COL4A4: variants seen among roughly 807,000 people sequenced by gnomAD.
COL4A4 encodes the protein collagen type IV alpha 4 chain.
Under a neutral mutation model 192.9 loss-of-function variants are expected in COL4A4, and 105 were observed. That is an observed-to-expected ratio of 0.54 (90% CI 0.46 to 0.64). The LOEUF (loss-of-function observed/expected upper bound fraction) is 0.64, where lower values mean the gene tolerates loss of function less well. COL4A4 is among the 30% of genes least tolerant of loss of function. The probability of loss-of-function intolerance (pLI) is 0.00; values close to 1 mark genes in which losing one functional copy is unlikely to be tolerated. For missense variants in COL4A4, 1,967 were observed against 2,169.3 expected (o/e 0.91, Z 1.85); for synonymous variants, 762 against 769.9 (o/e 0.99, Z 0.17).
At chr2:227,093,232 A>T (rs1431221481) in intron 20 of COL4A4, among the ~76,000 whole-genome samples, 1 of 152,156 alleles carries the variant, frequency 6.6e-6, no homozygotes, top group African/African-American at 2.4e-5. Flanking sequence ...TAGTTTAAAT[A>T]ATAATAGCCC....
intron 22 of COL4A4, among the ~76,000 whole-genome samples, chr2:227,084,546 G>T (rs2059484717): frequency 7.5e-6 from 1 of 133,620 alleles, no homozygotes; most frequent in African/African-American, 2.4e-5. Context: ...CTTCATTAAA[G>T]AAACATTTAC....
rs534409628 is a variant in COL4A4 at position 227,150,991 on chromosome 2, C to T, written c.-101-3407G>A. 4.0e-5 allele frequency among the ~76,000 whole-genome samples: 6 copies of T among 151,890 alleles called. No homozygotes were observed. The South Asian group carries it at 1.2e-3, about 32-fold the overall frequency. ...ATTTCTGGAGTATTATAAATGATGA[C>T]CTTTAAAATAAAACTACTACAGCAT... On this transcript the variant is annotated intron_variant, in intron 1 of 47. Transcript: ENST00000396625.
intron 3 of COL4A4, among the ~76,000 whole-genome samples, chr2:227,142,797 G>A (rs892236033): frequency 6.6e-6 from 1 of 151,114 alleles, no homozygotes; most frequent in Non-Finnish European, 1.5e-5. Flanking sequence ...AGTTATTAAT[G>A]TCTTATACTT....
chr2:227,000,550 A>T (rs1205804237), downstream of COL4A4, among the ~76,000 whole-genome samples: 1 of 152,176 alleles, frequency 6.6e-6, no homozygotes, highest in African/African-American at 2.4e-5. Flanking sequence ...CCCCCTAGAG[A>T]TAATGTATGA....
At chr2:227,075,288 A>C (rs982105679) in intron 25 of COL4A4, among the ~76,000 whole-genome samples, 2 of 152,206 alleles carry the variant, frequency 1.3e-5, no homozygotes, top group Non-Finnish European at 2.9e-5. Context: ...AGCACATCAA[A>C]AAGCATATCC....
intron 2 of COL4A4, among the ~76,000 whole-genome samples, chr2:227,146,331 A>G (rs1206514014): frequency 6.8e-6 from 1 of 148,062 alleles, no homozygotes; most frequent in Non-Finnish European, 1.5e-5. Flanking sequence ...ATTCCTTTCC[A>G]TTTCTTCCAC....
the COL4A4 span, among the ~76,000 whole-genome samples, chr2:226,976,703 C>A: frequency 9.0e-4 from 137 of 152,214 alleles, no homozygotes; most frequent in African/African-American, 3.1e-3. Flanking sequence ...GTTAGGAGTA[C>A]CTTAACGGGG....
intron 17 of COL4A4, 119 bp from the exon 18 acceptor site, chr2:227,099,808 C>T: frequency 1.2e-6 from 1 of 859,964 alleles, no homozygotes; most frequent in Non-Finnish European, 1.9e-6. Context: ...AGATTATAGG[C>T]TGACTAGAGA....
intron 44 of COL4A4, 113 bp downstream of exon 44, chr2:227,021,935 G>T: frequency 1.6e-6 from 2 of 1,248,808 alleles, no homozygotes; most frequent in South Asian, 1.4e-5. Flanking sequence ...GGAAAGACAT[G>T]CTTTCTCCTC....
At chr2:226,977,466 G>A in the COL4A4 span, among the ~76,000 whole-genome samples, 1 of 152,062 alleles carries the variant, frequency 6.6e-6, no homozygotes, top group Non-Finnish European at 1.5e-5. Context: ...CTTAGATGTC[G>A]GTATTTTGTG....
At chr2:227,087,415 A>G (rs2059661690) in intron 22 of COL4A4, among the ~76,000 whole-genome samples, 1 of 151,970 alleles carries the variant, frequency 6.6e-6, no homozygotes, top group South Asian at 2.1e-4. Context: ...TTCTTTCCTC[A>G]CCCAATGCCC....
At chr2:227,025,885 G>T in intron 42 of COL4A4, 75 bp from the exon 43 acceptor site, 2 of 1,371,298 alleles carry the variant, frequency 1.5e-6, no homozygotes, top group South Asian at 1.2e-5. Context: ...TAAATTTGTG[G>T]ATTAGGACAA....
chr2:227,163,403 T>C (rs12613226), intron 1 of COL4A4, among the ~76,000 whole-genome samples: 42,008 of 152,268 alleles, frequency 0.28, 5,959 homozygotes, highest in South Asian at 0.36. Flanking sequence ...ATAATGATGA[T>C]GCACCTGTGT....
chr2:226,980,206 T>C, the COL4A4 span, among the ~76,000 whole-genome samples: 2 of 152,112 alleles, frequency 1.3e-5, no homozygotes, highest in East Asian at 1.9e-4. Flanking sequence ...GATAAGAAAA[T>C]TGAGGATCAG....
chr2:227,082,244 T>C (rs1305037253), intron 22 of COL4A4, 57 bp from the exon 23 acceptor site: 9 of 1,331,946 alleles, frequency 6.8e-6, no homozygotes, highest in Non-Finnish European at 9.8e-6. Context: ...AACAGTTACA[T>C]CTGTACATAT....
chr2:227,060,089 A>G (rs1339660816), intron 27 of COL4A4, 47 bp downstream of exon 27: 5 of 1,080,910 alleles, frequency 4.6e-6, no homozygotes, highest in Non-Finnish European at 6.6e-6. Flanking sequence ...CCTGATAGAT[A>G]TTCCCAAAGC....
chr2:227,089,311 T>C (rs2059771510), intron 21 of COL4A4, among the ~76,000 whole-genome samples: 1 of 151,952 alleles, frequency 6.6e-6, no homozygotes, highest in African/African-American at 2.4e-5. Flanking sequence ...CATTTTCCAA[T>C]TATCAGGACT....
chr2:227,076,919 C>T (rs60092580), intron 25 of COL4A4, among the ~76,000 whole-genome samples: 3,564 of 152,128 alleles, frequency 0.023, 138 homozygotes, highest in African/African-American at 0.08. Flanking sequence ...TAGAGAAATG[C>T]AAATCAAAAC....
intron 20 of COL4A4, among the ~76,000 whole-genome samples, chr2:227,091,064 A>T (rs967535437): frequency 1.3e-5 from 2 of 151,932 alleles, no homozygotes; most frequent in African/African-American, 4.8e-5. Context: ...AATTGGCAGC[A>T]GGGAAAGAAA....
Sources: allele counts gnomAD v4.1 joint callset (sites outside exome capture counted in the v4.1 genomes callset), GRCh38; gene constraint gnomAD v4.1.1; transcripts MANE v1.5; gene names NCBI Gene and HGNC (gene_info 2026-07-23, HGNC 2026-07-21).